Variants in SENP1 observed in about 807,000 individuals in gnomAD.
SENP1 encodes sentrin-specific protease 1.
A neutral mutation model predicts 93.0 loss-of-function variants in SENP1; 21 were observed. The ratio of observed to expected loss-of-function variants is 0.23; its 90% CI spans 0.16 to 0.33. The LOEUF (loss-of-function observed/expected upper bound fraction) is 0.33. Ranked by LOEUF, SENP1 falls within the 10% of genes least tolerant of loss-of-function variation. SENP1 has a pLI of 1.00. For missense variants in SENP1, 591 were observed against 758.7 expected, an observed-to-expected ratio of 0.78 and a Z score of 2.60; for synonymous variants, 256 against 259.6, an observed-to-expected ratio of 0.99 and a Z score of 0.13.
chr12:48,090,563 T>C (rs1175369791), intron 4 of SENP1, among the ~76,000 whole-genome samples: 7 of 152,178 alleles, frequency 4.6e-5, no homozygotes, highest in Admixed American at 2.0e-4. Flanking sequence ...CAAACAAAGC[T>C]AGAGACAGAC....
intron 13 of SENP1, among the ~76,000 whole-genome samples, chr12:48,057,062 AT>A (rs1282061994): frequency 1.7e-5 from 1 of 58,282 alleles, no homozygotes; most frequent in African/African-American, 1.2e-4. Flanking sequence ...ACATATATAA[AT>A]ATATTATTTA....
At chr12:48,083,329 C>T (rs1944618518) in intron 6 of SENP1, among the ~76,000 whole-genome samples, 1 of 152,108 alleles carries the variant, frequency 6.6e-6, no homozygotes, top group Non-Finnish European at 1.5e-5. Flanking sequence ...ACCATTCAGG[C>T]AACATTAAAG....
rs1353316734 is a variant in SENP1, at chr12:48,101,519, A to G, written c.-44-3T>C. The G allele has an allele frequency of 2.6e-6, 4 of 1,545,664 alleles. 1 individual carries two copies. Among genetic ancestry groups the G allele is most frequent in the South Asian group, 2.3e-5 (2 of 85,418 alleles). The stretch of plus-strand genomic sequence containing the variant: ...GACTTTAGCAAAGATACAAAGTCCT[A>G]TAAAAGAAGACACAAAACAGAAAAA... On this transcript the variant is annotated splice_region_variant and splice_polypyrimidine_tract_variant and intron_variant, in intron 1 of 17. Coordinates refer to ENST00000549518, the MANE Select transcript of SENP1 (RefSeq NM_001267594.2).
At chr12:48,086,846 C>T (rs925200808) in intron 5 of SENP1, among the ~76,000 whole-genome samples, 5 of 152,112 alleles carry the variant, frequency 3.3e-5, no homozygotes, top group African/African-American at 1.2e-4. Flanking sequence ...CGAGACTAGC[C>T]TTGCTAATAT....
intron 5 of SENP1, chr12:48,088,416 T>C (rs1205581179): frequency 5.2e-6 from 1 of 192,382 alleles, no homozygotes; most frequent in Non-Finnish European, 1.1e-5. Flanking sequence ...TGCCATGAGG[T>C]AGAGAACTGC....
Position 48,096,337 on chromosome 12 carries a change from T to C in SENP1, c.220+6A>G. 6.4e-7 allele frequency: 1 copy of C among 1,558,956 alleles called. No individual in the cohort carries two copies. Among genetic ancestry groups the C allele is most frequent in the Non-Finnish European group, 8.8e-7 (1 of 1,131,332 alleles). ...AAGTCCCTTGACTCCAAGTAATGTG[T>C]CATACCTGAGTAATAGCTTGGATTA... On this transcript the variant is annotated splice_donor_region_variant and intron_variant, in intron 4 of 17. Transcript: ENST00000549518.
At chr12:48,100,215 A>T (rs1360630994) in intron 2 of SENP1, among the ~76,000 whole-genome samples, 1 of 152,266 alleles carries the variant, frequency 6.6e-6, no homozygotes, top group East Asian at 1.9e-4. Flanking sequence ...ATAAAGTACT[A>T]CAAATGAAAT....
At chr12:48,057,139 T>C in intron 13 of SENP1, among the ~76,000 whole-genome samples, 1 of 100,732 alleles carries the variant, frequency 9.9e-6, no homozygotes, top group African/African-American at 4.1e-5. Context: ...TATAAATATA[T>C]TATTTAATAT....
At chr12:48,100,214 T>A (rs1327888291) in intron 2 of SENP1, among the ~76,000 whole-genome samples, 2 of 152,226 alleles carry the variant, frequency 1.3e-5, no homozygotes, top group African/African-American at 4.8e-5. Context: ...CATAAAGTAC[T>A]ACAAATGAAA....
At chr12:48,069,778 A>G (rs565533534) in intron 9 of SENP1, among the ~76,000 whole-genome samples, 42 of 152,336 alleles carry the variant, frequency 2.8e-4, no homozygotes, top group African/African-American at 7.7e-4. Context: ...TCTGACTCCA[A>G]AAAAGATGTA....
intron 13 of SENP1, among the ~76,000 whole-genome samples, chr12:48,057,488 C>T (rs1156759940): frequency 6.7e-6 from 1 of 148,620 alleles, no homozygotes; most frequent in Admixed American, 6.7e-5. Context: ...CCTCTGCCTC[C>T]CAAAGTGCTG....
intron 4 of SENP1, among the ~76,000 whole-genome samples, chr12:48,090,294 T>C (rs754323870): frequency 6.6e-6 from 1 of 152,226 alleles, no homozygotes; most frequent in Non-Finnish European, 1.5e-5. Context: ...TCACACATTT[T>C]GGCTAAAATT....
At chr12:48,093,719 T>TAAAA (rs60808565) in intron 4 of SENP1, among the ~76,000 whole-genome samples, 1 of 135,816 alleles carries the variant, frequency 7.4e-6, no homozygotes, top group Admixed American at 7.2e-5. Context: ...CAGAAAATGA[T>TAAAA]AAAAAAAAAA....
chr12:48,100,621 C>A (rs562203729), intron 2 of SENP1, among the ~76,000 whole-genome samples: 48 of 150,224 alleles, frequency 3.2e-4, no homozygotes, highest in African/African-American at 1.2e-3. Context: ...GGTGACAGAG[C>A]GAGACTCCGT....
intron 8 of SENP1, among the ~76,000 whole-genome samples, chr12:48,072,315 C>T (rs182054636): frequency 1.3e-5 from 2 of 152,272 alleles, no homozygotes; most frequent in African/African-American, 4.8e-5. Flanking sequence ...CTCAGTATAG[C>T]AGTGCTTGTG....
intron 9 of SENP1, among the ~76,000 whole-genome samples, chr12:48,070,590 T>A (rs575875581): frequency 6.6e-6 from 1 of 152,300 alleles, no homozygotes; most frequent in African/African-American, 2.4e-5. Flanking sequence ...TGGCACACAG[T>A]AGGCTCTCAG....
chr12:48,043,308 G>A lies in SENP1; in HGVS notation c.*2014C>T, dbSNP rs1192941089. 1 of 152,640 alleles carries A rather than the reference G, an allele frequency of 6.6e-6. No individual in the cohort carries two copies. The highest frequency in any genetic ancestry group is 1.9e-4 in the East Asian group (1 of 5,200). The allele number at this position is 152,640 out of a possible 1,614,324, so 9.5% of individuals were successfully genotyped here. A position where few individuals can be genotyped will look rare whatever the true frequency, so the allele number is the denominator to read the frequency against. ...CTTTGGTCTGTACAAAGTCTGTGAG[G>A]AAGGTAAGACAGATGTTACCTAAAT... On this transcript the variant is annotated 3_prime_UTR_variant, in exon 18 of 18. Transcript: ENST00000549518.
intron 10 of SENP1, 137 bp downstream of exon 10, chr12:48,066,790 G>T: frequency 1.4e-6 from 1 of 691,282 alleles, no homozygotes; most frequent in South Asian, 1.6e-5. Context: ...GGAATTACAG[G>T]CGTGAGCCAC....
At chr12:48,094,653 C>G (rs926019321) in intron 4 of SENP1, among the ~76,000 whole-genome samples, 7 of 151,970 alleles carry the variant, frequency 4.6e-5, no homozygotes, top group African/African-American at 1.7e-4. Flanking sequence ...ACACTCTAGC[C>G]TGGGTGACAG....
Sources: allele counts gnomAD v4.1 joint callset (sites outside exome capture counted in the v4.1 genomes callset), GRCh38; gene constraint gnomAD v4.1.1; transcripts MANE v1.5; gene names NCBI Gene and HGNC (gene_info 2026-07-23, HGNC 2026-07-21).